ARMC3: variants seen among roughly 807,000 people sequenced by gnomAD.
The protein encoded by ARMC3 is armadillo repeat-containing protein 3.
ARMC3 carries 74 observed loss-of-function variants against 90.3 expected under a neutral mutation model. That is an observed-to-expected ratio of 0.82 (90% confidence interval 0.68 to 0.99). ARMC3 has a LOEUF of 0.99. ARMC3 is among the 50% of genes least tolerant of loss of function. The probability of loss-of-function intolerance (pLI) is 0.00; values close to 1 mark genes in which losing one functional copy is unlikely to be tolerated. For missense variants in ARMC3, 958 were observed against 1,042.8 expected, an observed-to-expected ratio of 0.92 and a Z score of 1.12; for synonymous variants, 334 against 361.8, an observed-to-expected ratio of 0.92 and a Z score of 0.87.
chr10:23,018,560 A>C (rs1838379986), intron 16 of ARMC3, among the ~76,000 whole-genome samples: 2 of 121,250 alleles, frequency 1.6e-5, no homozygotes, highest in South Asian at 2.5e-4. Context: ...ACTGTCACCC[A>C]GGCTGGAGTC....
At chr10:22,940,022 C>T (rs1297508398) in intron 2 of ARMC3, among the ~76,000 whole-genome samples, 1 of 152,160 alleles carries the variant, frequency 6.6e-6, no homozygotes, top group Admixed American at 6.5e-5. Flanking sequence ...CAACTCTCAC[C>T]TGTCTATAAG....
intron 16 of ARMC3, among the ~76,000 whole-genome samples, chr10:23,019,710 C>T (rs1330924095): frequency 1.3e-5 from 2 of 152,258 alleles, no homozygotes; most frequent in African/African-American, 4.8e-5. Flanking sequence ...CAGGAATGCA[C>T]CACCACACCC....
intron 2 of ARMC3, among the ~76,000 whole-genome samples, chr10:22,936,289 G>A (rs770070806): frequency 6.6e-6 from 1 of 152,002 alleles, no homozygotes; most frequent in African/African-American, 2.4e-5. Flanking sequence ...AGACTTTGTC[G>A]CTATTTTTTA....
At chr10:22,941,247 C>T (rs1834318189) in intron 2 of ARMC3, among the ~76,000 whole-genome samples, 1 of 152,158 alleles carries the variant, frequency 6.6e-6, no homozygotes, top group Non-Finnish European at 1.5e-5. Flanking sequence ...GGCATGGAAA[C>T]TTTCACATAT....
intron 16 of ARMC3, among the ~76,000 whole-genome samples, chr10:23,022,982 G>A (rs1374492258): frequency 1.3e-5 from 2 of 152,040 alleles, no homozygotes; most frequent in African/African-American, 2.4e-5. Flanking sequence ...CCTGGTACAG[G>A]GCACTCCTTT....
At chr10:22,947,557 G>A (rs1834582585) in intron 3 of ARMC3, among the ~76,000 whole-genome samples, 1 of 152,160 alleles carries the variant, frequency 6.6e-6, no homozygotes, top group Non-Finnish European at 1.5e-5. Context: ...GCAAGTTTGA[G>A]AAATTCACAT....
chr10:22,991,353 TG>T, intron 10 of ARMC3, among the ~76,000 whole-genome samples: 1 of 152,182 alleles, frequency 6.6e-6, no homozygotes. Context: ...CTTCTTCCAC[TG>T]GGGGCCGGAT....
chr10:23,025,158 A>T lies in ARMC3; in HGVS notation c.2046-5438A>T, dbSNP rs79459597. ...TGACAACTTCACAATTATAATTGGG[A>T]CTTCAACACTGCCCCCAACCCCCAG... On this transcript the variant is annotated intron_variant, in intron 16 of 18. Coordinates refer to ENST00000298032, the MANE Select transcript of ARMC3 (RefSeq NM_173081.5). Among the ~76,000 whole-genome samples, 154 of 152,262 alleles carry T rather than the reference A, an allele frequency of 1.0e-3. 1 individual carries two copies. The East Asian group carries it at 0.029, about 28-fold the overall frequency.
chr10:22,958,074 C>G (rs1303202046), intron 4 of ARMC3, among the ~76,000 whole-genome samples: 1 of 151,992 alleles, frequency 6.6e-6, no homozygotes, highest in African/African-American at 2.4e-5. Context: ...AACAAAAACA[C>G]ACACACAAAC....
intron 8 of ARMC3, among the ~76,000 whole-genome samples, chr10:22,980,411 C>T (rs1306437882): frequency 6.6e-6 from 1 of 151,942 alleles, no homozygotes; most frequent in African/African-American, 2.4e-5. Flanking sequence ...TTATACCAGT[C>T]CCTGGTACAT....
chr10:23,017,760 C>T (rs113347597), intron 16 of ARMC3, among the ~76,000 whole-genome samples: 4,434 of 152,302 alleles, frequency 0.029, 93 homozygotes, highest in African/African-American at 0.052. Context: ...AGCGAGACTT[C>T]GTCTCAAAAA....
chr10:23,032,789 T>A (rs977652559), intron 17 of ARMC3, 72 bp from the exon 18 acceptor site: 1 of 1,423,534 alleles, frequency 7.0e-7, no homozygotes, highest in Non-Finnish European at 9.5e-7. Context: ...TATATTTACA[T>A]GTAATTACAC....
At chr10:22,938,891 A>C (rs75090383) in intron 2 of ARMC3, among the ~76,000 whole-genome samples, 2,445 of 152,290 alleles carry the variant, frequency 0.016, 76 homozygotes, top group African/African-American at 0.056. Context: ...AGGCCTGACA[A>C]TTAAATACAC....
intron 16 of ARMC3, among the ~76,000 whole-genome samples, chr10:23,017,953 T>G (rs868226307): frequency 2.0e-5 from 3 of 152,216 alleles, no homozygotes; most frequent in Non-Finnish European, 4.4e-5. Context: ...CCTATTATAA[T>G]GAACAAGGTG....
At chr10:22,982,556 AT>A (rs1418836583) in intron 10 of ARMC3, among the ~76,000 whole-genome samples, 1 of 152,210 alleles carries the variant, frequency 6.6e-6, no homozygotes, top group Non-Finnish European at 1.5e-5. Flanking sequence ...AGCTTACTTA[AT>A]TTTCCCAGGT....
chr10:22,962,034 G>C lies in ARMC3; in HGVS notation c.688G>C (p.Asp230His). 4 of 1,604,204 alleles carry C rather than the reference G, an allele frequency of 2.5e-6. No homozygotes were observed. Among genetic ancestry groups the C allele is most frequent in the Non-Finnish European group, 3.4e-6 (4 of 1,176,792 alleles). The stretch of plus-strand genomic sequence containing the variant: ...TAAGGAGTCTCGAACAATGCTAAGA[G>C]ACAATCAAGGATTGGACCATCTTAT... ...NDKESRTMLR[D>H]NQGLDHLIKI... Residue 230 changes from aspartate (D) to histidine (H), a missense_variant, in exon 7 of 19, where the codon GAC becomes CAC. Transcript: ENST00000298032.
chr10:22,954,461 A>T (rs900835420), intron 3 of ARMC3, among the ~76,000 whole-genome samples: 3 of 151,720 alleles, frequency 2.0e-5, no homozygotes, highest in African/African-American at 7.3e-5. Context: ...CAGGAGTTTG[A>T]GACCAGCCTG....
Position 22,998,195 on chromosome 10 carries a change from C to T in ARMC3, c.1223C>T (p.Ser408Phe), listed in dbSNP as rs1442138404. 6.2e-7 allele frequency: 1 copy of T among 1,613,838 alleles called. No individual in the cohort carries two copies. The highest frequency in any genetic ancestry group is 8.5e-7 in the Non-Finnish European group (1 of 1,179,854). Residue 408 changes from serine to phenylalanine, a missense_variant, in exon 11 of 19, where the codon TCT becomes TTT. By Grantham distance (155) the Ser-to-Phe change is radical. Coordinates refer to ENST00000298032, the MANE Select transcript of ARMC3 (RefSeq NM_173081.5). The stretch of plus-strand genomic sequence containing the variant: ...ATTGATCCATTAATAAACCTCCTGT[C>T]TAGTAAACGAGATGGAGCCATTGCC... Reference protein sequence around the residue: ...DGIDPLINLLSSKRDGAIANA... With the variant: ...DGIDPLINLLFSKRDGAIANA...
Position 23,004,890 on chromosome 10 carries a change from T to C in ARMC3, c.1731+1476T>C, listed in dbSNP as rs192578895. Reference sequence around the variant, plus strand: ...TTCAATTATGATAATTTAAAGAGAATGTTGCAGCATCAGGACAAAGCTGTT... The same window carrying C: ...TTCAATTATGATAATTTAAAGAGAACGTTGCAGCATCAGGACAAAGCTGTT... On this transcript the variant is annotated intron_variant, in intron 13 of 18. Transcript: ENST00000298032. 7.2e-5 allele frequency among the ~76,000 whole-genome samples: 11 copies of C among 152,090 alleles called. No homozygotes were observed. The East Asian group carries it at 1.9e-3, about 27-fold the overall frequency.
Sources: gnomAD v4.1 joint callset for allele counts (sites outside exome capture counted in the v4.1 genomes callset) on GRCh38, gnomAD v4.1.1 for gene constraint, MANE v1.5 for transcripts, NCBI Gene and HGNC (gene_info 2026-07-23, HGNC 2026-07-21) for gene names.